ADGRV1: variants seen among roughly 807,000 people sequenced by gnomAD.
The protein encoded by ADGRV1 is G-protein coupled receptor 98.
In ADGRV1, 359 loss-of-function variants were observed where a neutral mutation model predicts 596.2. That is an observed-to-expected ratio of 0.60 (90% CI 0.55 to 0.66). ADGRV1 has a LOEUF of 0.66. ADGRV1 is among the 30% of genes least tolerant of loss of function. The probability of loss-of-function intolerance (pLI) is 0.00; values close to 1 mark genes in which losing one functional copy is unlikely to be tolerated. For missense variants in ADGRV1, 7,274 were observed against 7,575.6 expected (o/e 0.96, Z 1.48); for synonymous variants, 2,681 against 2,679.2 (o/e 1.00, Z -0.02).
At chr5:91,120,735 C>T (rs1018709917) in intron 87 of ADGRV1, among the ~76,000 whole-genome samples, 4 of 152,158 alleles carry the variant, frequency 2.6e-5, no homozygotes, top group African/African-American at 7.2e-5. Flanking sequence ...CACTGGGCTC[C>T]ACCTGGCTCA....
intron 70 of ADGRV1, chr5:90,793,433 A>G (rs977885124): frequency 3.3e-5 from 5 of 152,198 alleles, no homozygotes; most frequent in African/African-American, 4.8e-5. Flanking sequence ...TTTTATAGTA[A>G]GTTTTCATTT....
chr5:90,583,076 G>A (rs896652826), intron 1 of ADGRV1, among the ~76,000 whole-genome samples: 2 of 152,068 alleles, frequency 1.3e-5, no homozygotes, highest in Non-Finnish European at 1.5e-5. Context: ...TTATTGTAAA[G>A]CAATTTGATC....
At chr5:90,580,189 G>A (rs1302361749) in intron 1 of ADGRV1, among the ~76,000 whole-genome samples, 1 of 152,188 alleles carries the variant, frequency 6.6e-6, no homozygotes, top group Non-Finnish European at 1.5e-5. Flanking sequence ...ATTAATTGAT[G>A]CAGTTTCTTC....
At chr5:90,952,689 T>C (rs1777151440) in intron 83 of ADGRV1, among the ~76,000 whole-genome samples, 1 of 152,190 alleles carries the variant, frequency 6.6e-6, no homozygotes. Context: ...GAGCTGTCTG[T>C]ATAGATAGTA....
At chr5:90,789,528 C>T (rs559072143) in intron 68 of ADGRV1, among the ~76,000 whole-genome samples, 174 bp from the exon 69 acceptor site, 4 of 152,260 alleles carry the variant, frequency 2.6e-5, no homozygotes, top group African/African-American at 4.8e-5. Flanking sequence ...TTTTAGGTAA[C>T]AGTCAATGTG....
intron 49 of ADGRV1, among the ~76,000 whole-genome samples, chr5:90,729,365 T>C (rs746517880): frequency 9.2e-5 from 14 of 152,148 alleles, no homozygotes; most frequent in Non-Finnish European, 1.9e-4. Context: ...AGAACTTTCA[T>C]GGGTAAAATT....
chr5:90,758,277 G>A (rs927998744), intron 57 of ADGRV1, among the ~76,000 whole-genome samples: 7 of 152,076 alleles, frequency 4.6e-5, no homozygotes, highest in African/African-American at 1.4e-4. Flanking sequence ...AGCTTGCAGT[G>A]AGCCGAGATT....
At position 90,848,720 on chromosome 5, in the gene ADGRV1, A is replaced by G; in HGVS notation, c.17103A>G (p.Pro5701=). 6.3e-7 allele frequency: 1 copy of G among 1,588,054 alleles called. No homozygotes were observed. Among genetic ancestry groups the G allele is most frequent in the Non-Finnish European group, 8.5e-7 (1 of 1,169,838 alleles). The change falls in exon 79 of 90, where the codon CCA becomes CCG. Residue 5701 remains proline (P), a synonymous_variant. Transcript: ENST00000405460. ...FYEILCSLIN[P]KRKDTRGFSH... is the part of the protein sequence containing the mutation. ...AGATTCTTTGTTCTCTTATTAACCC[A>G]AAGCGCAAGGACACTAGGGGATTCA...
intron 87 of ADGRV1, among the ~76,000 whole-genome samples, chr5:91,139,162 A>G (rs1312080593): frequency 6.6e-6 from 1 of 152,236 alleles, no homozygotes; most frequent in Non-Finnish European, 1.5e-5. Flanking sequence ...ACATTTCTGT[A>G]AGAGTCTACG....
At chr5:90,829,267 T>G in intron 77 of ADGRV1, 81 bp downstream of exon 77, 4 of 1,114,426 alleles carry the variant, frequency 3.6e-6, no homozygotes, top group Non-Finnish European at 3.6e-6. Context: ...AGGGAATAAT[T>G]GATACATTAT....
chr5:90,641,750 T>C (rs1766998100), intron 11 of ADGRV1, among the ~76,000 whole-genome samples: 1 of 152,156 alleles, frequency 6.6e-6, no homozygotes, highest in Non-Finnish European at 1.5e-5. Flanking sequence ...CATGAATATA[T>C]TTTTGGTTCA....
chr5:91,006,855 CAT>C (rs1355696166), intron 85 of ADGRV1, among the ~76,000 whole-genome samples: 1 of 152,114 alleles, frequency 6.6e-6, no homozygotes, highest in African/African-American at 2.4e-5. Context: ...TGGACATTTT[CAT>C]ATCTTTGTAT....
At chr5:90,584,706 A>C (rs147396473) in intron 1 of ADGRV1, among the ~76,000 whole-genome samples, 22 of 152,330 alleles carry the variant, frequency 1.4e-4, no homozygotes, top group African/African-American at 3.6e-4. Context: ...GCAGTCATTG[A>C]GCAAGTGGTG....
chr5:91,014,136 C>CCATACACACACACACACACACACA (rs1782967268), intron 85 of ADGRV1, among the ~76,000 whole-genome samples: 2 of 35,638 alleles, frequency 5.6e-5, no homozygotes, highest in African/African-American at 1.8e-4. Context: ...TTCACAATTG[C>CCATACACACACACACACACACACA]CACACACACA....
At chr5:90,666,196 C>T (rs1345522660) in intron 21 of ADGRV1, among the ~76,000 whole-genome samples, 296 of 151,050 alleles carry the variant, frequency 2.0e-3, no homozygotes, top group African/African-American at 6.8e-3. Flanking sequence ...GTTGATCTGT[C>T]TAATGTTGAC....
chr5:90,569,199 C>T (rs1186675028), intron 1 of ADGRV1, among the ~76,000 whole-genome samples: 2 of 151,490 alleles, frequency 1.3e-5, no homozygotes, highest in African/African-American at 4.9e-5. Context: ...TTCATGAGGG[C>T]AAAGCCTTCA....
At chr5:90,866,513 C>G (rs970087430) in intron 83 of ADGRV1, among the ~76,000 whole-genome samples, 3 of 151,896 alleles carry the variant, frequency 2.0e-5, no homozygotes, top group East Asian at 1.9e-4. Context: ...TTAAATTTAT[C>G]GATCTCTCTT....
chr5:90,803,696 C>T (rs1258030116), intron 71 of ADGRV1, among the ~76,000 whole-genome samples: 1 of 152,190 alleles, frequency 6.6e-6, no homozygotes, highest in Non-Finnish European at 1.5e-5. Flanking sequence ...AAATAGAATA[C>T]ACTGGCTATT....
At chr5:90,813,778 C>A (rs1421943993) in intron 74 of ADGRV1, among the ~76,000 whole-genome samples, 1 of 152,100 alleles carries the variant, frequency 6.6e-6, no homozygotes, top group Non-Finnish European at 1.5e-5. Flanking sequence ...TCTCACTTAA[C>A]CGGATAATTA....
Sources: allele counts gnomAD v4.1 joint callset (sites outside exome capture counted in the v4.1 genomes callset), GRCh38; gene constraint gnomAD v4.1.1; transcripts MANE v1.5; gene names NCBI Gene and HGNC (gene_info 2026-07-23, HGNC 2026-07-21).